The following DDX52 variants were observed in gnomAD, a reference collection of about 807,000 sequenced individuals.
The protein encoded by DDX52 is DExD-box helicase 52, also known as probable ATP-dependent RNA helicase DDX52.
In DDX52, 59 loss-of-function variants were observed where a neutral mutation model predicts 76.1. The ratio of observed to expected loss-of-function variants is 0.78; its 90% CI spans 0.63 to 0.96. The LOEUF is 0.96. Ranked by LOEUF, DDX52 falls within the 40% of genes least tolerant of loss-of-function variation. The probability of loss-of-function intolerance (pLI) is 0.00; values close to 1 mark genes in which losing one functional copy is unlikely to be tolerated. For synonymous variants in DDX52, 231 were observed against 244.1 expected, an observed-to-expected ratio of 0.95 and a Z score of 0.50; for missense variants, 707 against 703.9, an observed-to-expected ratio of 1.00 and a Z score of -0.05.
Position 37,626,785 on chromosome 17 carries a change from T to C in DDX52, c.932+3A>G, listed in dbSNP as rs770860048. The C allele has an allele frequency of 5.0e-6, 8 of 1,609,500 alleles. No individual in the cohort carries two copies. The highest frequency in any genetic ancestry group is 2.7e-5 in the African/African-American group (2 of 74,686). ...ACGAAAGACATGAAAATATCATCTATACCTTGCTAGGTCGATTCCGGGGGG... is the reference window on the plus strand; with the variant it reads ...ACGAAAGACATGAAAATATCATCTACACCTTGCTAGGTCGATTCCGGGGGG... On this transcript the variant is annotated splice_donor_region_variant and intron_variant, in intron 7 of 14. Coordinates refer to ENST00000617633, the MANE Select transcript of DDX52 (RefSeq NM_007010.5).
At chr17:37,633,699 T>A (rs565125924) in intron 2 of DDX52, among the ~76,000 whole-genome samples, 23 of 150,410 alleles carry the variant, frequency 1.5e-4, no homozygotes, top group Non-Finnish European at 3.0e-4. Context: ...TGGATGTATG[T>A]GTAGCAAGAA....
chr17:37,637,258 G>A (rs924909455), intron 2 of DDX52, among the ~76,000 whole-genome samples: 2 of 151,904 alleles, frequency 1.3e-5, no homozygotes, highest in African/African-American at 4.8e-5. Flanking sequence ...TAGCCTCCCA[G>A]GTAGGTGAGA....
intron 14 of DDX52, among the ~76,000 whole-genome samples, chr17:37,615,985 G>A (rs926290748): frequency 2.0e-5 from 3 of 152,258 alleles, no homozygotes; most frequent in Non-Finnish European, 2.9e-5. Flanking sequence ...CTGCACTCCC[G>A]CCTAGCAACA....
At chr17:37,621,053 A>G (rs746058731) in intron 11 of DDX52, 74 bp downstream of exon 11, 11 of 1,555,064 alleles carry the variant, frequency 7.1e-6, no homozygotes, top group Admixed American at 2.1e-5. Flanking sequence ...AAGTGAGCAT[A>G]TGTGCAGGGA....
intron 2 of DDX52, among the ~76,000 whole-genome samples, chr17:37,640,191 G>C (rs778325900): frequency 2.0e-5 from 3 of 152,184 alleles, no homozygotes; most frequent in Non-Finnish European, 4.4e-5. Flanking sequence ...AAGATAAGTA[G>C]AATGACACTG....
chr17:37,614,687 T>A (rs558498768), intron 14 of DDX52, among the ~76,000 whole-genome samples: 1 of 152,336 alleles, frequency 6.6e-6, no homozygotes, highest in East Asian at 1.9e-4. Context: ...GTAATTTTCC[T>A]AACAACTTAT....
At chr17:37,630,814 G>C (rs949065286) in intron 4 of DDX52, 1 of 152,194 alleles carries the variant, frequency 6.6e-6, no homozygotes, top group Non-Finnish European at 1.5e-5. Flanking sequence ...GCTAGTTTTT[G>C]TATTTTTAGT....
intron 2 of DDX52, among the ~76,000 whole-genome samples, chr17:37,637,115 C>A (rs1423887907): frequency 6.6e-6 from 1 of 152,124 alleles, no homozygotes; most frequent in Non-Finnish European, 1.5e-5. Context: ...CAGACATGTG[C>A]TACCACGTGC....
chr17:37,626,872 AC>A lies in DDX52; in HGVS notation c.860-13del, dbSNP rs756829245. On this transcript the variant is annotated splice_polypyrimidine_tract_variant and intron_variant, in intron 6 of 14. Coordinates refer to ENST00000617633, the MANE Select transcript of DDX52 (RefSeq NM_007010.5). Reference sequence around the variant, plus strand: ...AGTCACAAGAATATCTATAGGAAAAACAAATGGTAGAAATTGCAAAAACAGG... The same window carrying A: ...AGTCACAAGAATATCTATAGGAAAAAAAATGGTAGAAATTGCAAAAACAGG... 5.0e-6 allele frequency: 8 copies of A among 1,603,470 alleles called. No homozygotes were observed. The South Asian group carries it at 6.8e-5, about 14-fold the overall frequency.
At position 37,625,880 on chromosome 17, in the gene DDX52, G is replaced by A. The variant is rs1414750570; in HGVS notation, c.1136+15C>T. ...AAAAAAATCAGTGTGATAATGTTGA[G>A]AAACAATTAAATACCTTGCTCCAAT... On this transcript the variant is annotated intron_variant, in intron 8 of 14. Coordinates refer to ENST00000617633, the MANE Select transcript of DDX52 (RefSeq NM_007010.5). 1 of 1,613,502 alleles carries A rather than the reference G, an allele frequency of 6.2e-7. No homozygotes were observed. The highest frequency in any genetic ancestry group is 2.2e-5 in the East Asian group (1 of 44,892).
Position 37,631,975 on chromosome 17 carries a change from T to C in DDX52, c.603+138A>G, listed in dbSNP as rs192704934. 12 of 1,216,318 alleles carry C rather than the reference T, an allele frequency of 9.9e-6. No individual in the cohort carries two copies. The Admixed American group carries it at 1.3e-4, about 13-fold the overall frequency. 75.3% of individuals were successfully genotyped at this position (1,216,318 alleles called of 1,614,324 possible). A position where few individuals can be genotyped will look rare whatever the true frequency, so the allele number is the denominator to read the frequency against. ...ACAACTTTTATGGAGGCACAGGCAT[T>C]TGATGAACCTTAAAAGGAAGTGAAG... On this transcript the variant is annotated intron_variant, in intron 4 of 14. Transcript: ENST00000617633.
intron 4 of DDX52, chr17:37,631,865 C>T (rs2030696025): frequency 5.6e-6 from 3 of 532,476 alleles, no homozygotes; most frequent in Admixed American, 7.1e-5. Context: ...AGGAAAAGAA[C>T]ACACCAAATA....
Position 37,632,800 on chromosome 17 carries a change from T to A in DDX52, c.417+488A>T, listed in dbSNP as rs981197401. Among the ~76,000 whole-genome samples the A allele has an allele frequency of 2.6e-5, 4 of 152,198 alleles. No individual in the cohort carries two copies. The East Asian group carries it at 5.8e-4, about 22-fold the overall frequency. On this transcript the variant is annotated intron_variant, in intron 3 of 14. Coordinates refer to ENST00000617633, the MANE Select transcript of DDX52 (RefSeq NM_007010.5). ...GAAGTGAGCTGAATACACCTCTCCA[T>A]CAGGAATACGGCAGGTGTACAGCAG...
chr17:37,621,337 A>T (rs1159951290), intron 10 of DDX52, 60 bp from the exon 11 acceptor site: 2 of 1,594,128 alleles, frequency 1.3e-6, no homozygotes, highest in Non-Finnish European at 1.7e-6. Context: ...TCATAAATTT[A>T]ATGTCAATAG....
intron 2 of DDX52, among the ~76,000 whole-genome samples, chr17:37,640,988 G>GCAAA (rs1055431340): frequency 9.5e-4 from 144 of 151,282 alleles, no homozygotes; most frequent in African/African-American, 3.3e-3. Flanking sequence ...TGTCTCAAAA[G>GCAAA]CAAACAAACA....
Position 37,611,865 on chromosome 17 carries a change from G to C in DDX52, c.*2431C>G, listed in dbSNP as rs1463844282. ...AGTACCAGCTACTCGGGAGGCTGAGGTTTGAGGATCACTTGAGTCTAAGAG... is the reference window on the plus strand; with the variant it reads ...AGTACCAGCTACTCGGGAGGCTGAGCTTTGAGGATCACTTGAGTCTAAGAG... On this transcript the variant is annotated 3_prime_UTR_variant, in exon 15 of 15. Transcript: ENST00000617633. 6.7e-6 allele frequency: 1 copy of C among 149,738 alleles called. No individual in the cohort carries two copies. The highest frequency in any genetic ancestry group is 1.5e-5 in the Non-Finnish European group (1 of 67,632). 9.3% of individuals were successfully genotyped at this position (149,738 alleles called of 1,614,324 possible). A position where few individuals can be genotyped will look rare whatever the true frequency, so the allele number is the denominator to read the frequency against.
chr17:37,628,729 C>T (rs1488889847), intron 5 of DDX52, 57 bp from the exon 6 acceptor site: 2 of 1,221,192 alleles, frequency 1.6e-6, no homozygotes, highest in East Asian at 2.4e-5. Flanking sequence ...AAGATGTATA[C>T]TCTTTTACAT....
In DDX52 at chr17:37,613,967, A is replaced by G. The variant is rs2064395785; in HGVS notation, c.*329T>C. 4.3e-6 allele frequency: 1 copy of G among 232,536 alleles called. No individual in the cohort carries two copies. The highest frequency in any genetic ancestry group is 8.2e-6 in the Non-Finnish European group (1 of 121,322). 14.4% of individuals were successfully genotyped at this position (232,536 alleles called of 1,614,324 possible). A position where few individuals can be genotyped will look rare whatever the true frequency, so the allele number is the denominator to read the frequency against. ...GTTATTTCCATTGTATAATCATTTA[A>G]AAGTCACCTACAGAGCTGGGTGCAG... On this transcript the variant is annotated 3_prime_UTR_variant, in exon 15 of 15. Transcript: ENST00000617633.
Position 37,626,788 on chromosome 17 carries a change from C to G in DDX52, c.932G>C (p.Ser311Thr). 6.2e-7 allele frequency: 1 copy of G among 1,609,624 alleles called. No homozygotes were observed. Among genetic ancestry groups the G allele is most frequent in the Non-Finnish European group, 8.5e-7 (1 of 1,178,046 alleles). Reference sequence around the variant, plus strand: ...AAAGACATGAAAATATCATCTATACCTTGCTAGGTCGATTCCGGGGGGATC... The same window carrying G: ...AAAGACATGAAAATATCATCTATACGTTGCTAGGTCGATTCCGGGGGGATC... Reference protein sequence around the residue: ...KQDPPGIDLASVEWLVVDESD... With the variant: ...KQDPPGIDLATVEWLVVDESD... Residue 311 changes from serine to threonine, a missense_variant and splice_region_variant, in exon 7 of 15, where the codon AGT becomes ACT. Coordinates refer to ENST00000617633, the MANE Select transcript of DDX52 (RefSeq NM_007010.5).
Sources: allele counts gnomAD v4.1 joint callset (sites outside exome capture counted in the v4.1 genomes callset), GRCh38; gene constraint gnomAD v4.1.1; transcripts MANE v1.5; gene names NCBI Gene and HGNC (gene_info 2026-07-23, HGNC 2026-07-21).